The following RBFOX1 variants were observed in gnomAD, a reference collection of about 807,000 sequenced individuals.
The protein encoded by RBFOX1 is RNA binding fox-1 homolog 1.
A neutral mutation model predicts 57.7 loss-of-function variants in RBFOX1; 8 were observed. The ratio of observed to expected loss-of-function variants is 0.14; its 90% CI spans 0.08 to 0.25. The LOEUF is 0.25. Among genes scored for constraint, RBFOX1 ranks in the 10% least tolerant of loss-of-function variants. RBFOX1 has a pLI of 1.00. For missense variants in RBFOX1, 611 were observed against 548.5 expected, an observed-to-expected ratio of 1.11 and a Z score of -1.14; for synonymous variants, 326 against 222.4, an observed-to-expected ratio of 1.47 and a Z score of -4.15.
At chr16:5,902,676 A>G (rs947205842) in intron 4 of RBFOX1, among the ~76,000 whole-genome samples, 3 of 152,266 alleles carry the variant, frequency 2.0e-5, no homozygotes, top group Admixed American at 6.5e-5. Flanking sequence ...TCGGCCTCCC[A>G]AAGTCCTGGG....
At chr16:7,567,184 A>T (rs28430319) in intron 5 of RBFOX1, among the ~76,000 whole-genome samples, 47,408 of 74,280 alleles carry the variant, frequency 0.64, 13,023 homozygotes, top group Non-Finnish European at 0.69. Flanking sequence ...TCCCTATATA[A>T]ATATCCATAT....
At chr16:6,500,515 A>G (rs2095879364) in intron 2 of RBFOX1, among the ~76,000 whole-genome samples, 1 of 152,208 alleles carries the variant, frequency 6.6e-6, no homozygotes, top group African/African-American at 2.4e-5. Context: ...CTTTTGCAGA[A>G]ATATGATTAA....
intron 3 of RBFOX1, among the ~76,000 whole-genome samples, chr16:6,906,091 C>T (rs1039901805): frequency 3.4e-5 from 5 of 148,074 alleles, no homozygotes; most frequent in Admixed American, 6.7e-5. Flanking sequence ...TTCGATGGAA[C>T]GCTTTGCTTT....
intron 4 of RBFOX1, among the ~76,000 whole-genome samples, chr16:7,362,275 G>A (rs886945492): frequency 2.1e-5 from 3 of 144,684 alleles, no homozygotes; most frequent in Non-Finnish European, 4.5e-5. Flanking sequence ...TGTTTTGTGT[G>A]TATGTTAGTA....
chr16:5,746,417 T>C (rs1259950528), intron 3 of RBFOX1, among the ~76,000 whole-genome samples: 4 of 152,248 alleles, frequency 2.6e-5, no homozygotes, highest in East Asian at 3.8e-4. Flanking sequence ...GTCTTGGCAA[T>C]GCGGGCTCTT....
At position 6,019,031 on chromosome 16, in the gene RBFOX1, T is replaced by G; in HGVS notation, c.-1088T>G. 1.1e-6 allele frequency: 1 copy of G among 913,998 alleles called. No homozygotes were observed. The highest frequency in any genetic ancestry group is 1.3e-6 in the Non-Finnish European group (1 of 766,280). 56.6% of individuals were successfully genotyped at this position (913,998 alleles called of 1,614,324 possible). A position where few individuals can be genotyped will look rare whatever the true frequency, so the allele number is the denominator to read the frequency against. ...GGCGCTCCCTCGCGCACCAGATTAT[T>G]TTTGGCTCCGCAGCCGGGGCTGCTC... On this transcript the variant is annotated 5_prime_UTR_variant, in exon 1 of 16. The change creates a new upstream start codon in the 5' untranslated region. Transcript: ENST00000550418. This position sits in a 1 kb window ranked among gnomAD's most constrained non-coding sequence, Gnocchi z 4.2.
chr16:6,782,241 G>A (rs1357385358), intron 3 of RBFOX1, among the ~76,000 whole-genome samples: 1 of 152,086 alleles, frequency 6.6e-6, no homozygotes, highest in Admixed American at 6.5e-5. Flanking sequence ...TCTTGACCTC[G>A]TGGTCTGCCC....
chr16:5,810,882 T>C (rs184201109), intron 3 of RBFOX1, among the ~76,000 whole-genome samples: 3 of 152,298 alleles, frequency 2.0e-5, no homozygotes, highest in Admixed American at 1.3e-4. Context: ...TAAGTTATGA[T>C]TGGTATTCTG....
At chr16:5,977,000 C>T (rs76748390) in intron 4 of RBFOX1, among the ~76,000 whole-genome samples, 7,965 of 152,198 alleles carry the variant, frequency 0.052, 410 homozygotes, top group East Asian at 0.28. Flanking sequence ...TACACCTCTG[C>T]CAGCATCACC....
chr16:5,271,037 G>C, intron 1 of RBFOX1: 1 of 267,484 alleles, frequency 3.7e-6, no homozygotes, highest in Non-Finnish European at 7.0e-6. Flanking sequence ...AGCAAAATTA[G>C]TCTGGTGTGG....
chr16:5,966,396 G>A (rs764349725), intron 4 of RBFOX1, among the ~76,000 whole-genome samples: 2 of 152,206 alleles, frequency 1.3e-5, no homozygotes, highest in Non-Finnish European at 2.9e-5. Flanking sequence ...CATGAGGGCT[G>A]ACGGTTCACA....
At chr16:7,243,266 G>T (rs6500937) in intron 4 of RBFOX1, among the ~76,000 whole-genome samples, 93,616 of 151,906 alleles carry the variant, frequency 0.62, 29,874 homozygotes, top group African/African-American at 0.78. Flanking sequence ...CTCCAAACCA[G>T]CCTATAGGCG....
At chr16:7,216,664 ATAAAAAT>A (rs75933294) in intron 4 of RBFOX1, among the ~76,000 whole-genome samples, 46,133 of 151,652 alleles carry the variant, frequency 0.3, 7,913 homozygotes, top group East Asian at 0.66. Flanking sequence ...TCAAAATAAA[ATAAAAAT>A]TAAAAAACCC....
chr16:6,397,081 A>C (rs1358861382), intron 2 of RBFOX1, among the ~76,000 whole-genome samples: 1 of 152,152 alleles, frequency 6.6e-6, no homozygotes, highest in African/African-American at 2.4e-5. Flanking sequence ...AAATGTATAC[A>C]GCTATAGGTA....
At chr16:5,683,626 C>A (rs1217391766) in intron 3 of RBFOX1, among the ~76,000 whole-genome samples, 1 of 151,968 alleles carries the variant, frequency 6.6e-6, no homozygotes, top group Non-Finnish European at 1.5e-5. Context: ...CATCAGACTC[C>A]AAGTTCTTTA....
intron 2 of RBFOX1, among the ~76,000 whole-genome samples, chr16:6,344,372 T>C (rs1196161954): frequency 6.8e-6 from 1 of 147,248 alleles, no homozygotes; most frequent in Admixed American, 6.8e-5. Flanking sequence ...AATTACACAA[T>C]CTTTCCTTCT....
intron 3 of RBFOX1, among the ~76,000 whole-genome samples, chr16:5,611,696 A>G (rs1208530113): frequency 2.2e-5 from 3 of 137,380 alleles, no homozygotes; most frequent in Admixed American, 7.1e-5. Flanking sequence ...CCACTCCCCC[A>G]CCCACTCTCC....
At chr16:5,373,197 T>C (rs545789) in intron 1 of RBFOX1, among the ~76,000 whole-genome samples, 151,874 of 152,212 alleles carry the variant, frequency 1, 75,772 homozygotes, top group Non-Finnish European at 1. Context: ...CTTGTGGGAG[T>C]TTGTTTTTAT....
chr16:6,134,763 C>T (rs576855988), intron 1 of RBFOX1, among the ~76,000 whole-genome samples: 2 of 151,720 alleles, frequency 1.3e-5, no homozygotes, highest in South Asian at 2.1e-4. Context: ...CTGCAATCTC[C>T]GCCTCCCGGG....
Sources: gnomAD v4.1 joint callset for allele counts (sites outside exome capture counted in the v4.1 genomes callset) on GRCh38, gnomAD v4.1.1 for gene constraint, Gnocchi (gnomAD v3.1) non-coding constraint, MANE v1.5 for transcripts, NCBI Gene and HGNC (gene_info 2026-07-23, HGNC 2026-07-21) for gene names.